AGBL4: variants seen among roughly 807,000 people sequenced by gnomAD.
AGBL4 encodes cytosolic carboxypeptidase 6.
Under a neutral mutation model 66.4 loss-of-function variants are expected in AGBL4, and 58 were observed. The ratio of observed to expected loss-of-function variants is 0.87; its 90% CI spans 0.71 to 1.09. The LOEUF (loss-of-function observed/expected upper bound fraction) is 1.09, where lower values mean the gene tolerates loss of function less well. Ranked by LOEUF, AGBL4 falls within the 50% of genes least tolerant of loss-of-function variation. The pLI is 0.00. For missense variants in AGBL4, 579 were observed against 631.0 expected (o/e 0.92, Z 0.88); for synonymous variants, 234 against 222.9 (o/e 1.05, Z -0.44).
intron 1 of AGBL4, among the ~76,000 whole-genome samples, chr1:49,904,675 T>G (rs1650089930): frequency 6.6e-6 from 1 of 152,238 alleles, no homozygotes; most frequent in Non-Finnish European, 1.5e-5. Flanking sequence ...GTTCTATTTC[T>G]GAAAGTTGCA....
Position 48,736,184 on chromosome 1 carries a change from C to A in AGBL4, c.635-72943G>T. 3 of 1,550,662 alleles carry A rather than the reference C, an allele frequency of 1.9e-6. No individual in the cohort carries two copies. The highest frequency in any genetic ancestry group is 2.7e-6 in the Non-Finnish European group (3 of 1,122,932). The stretch of plus-strand genomic sequence containing the variant: ...TGAATTGAATTGTGCCTAACACATT[C>A]TTGACAGAGTAAAAGACAGAATCCC... On this transcript the variant is annotated intron_variant, in intron 6 of 13. Coordinates refer to ENST00000371839, the MANE Select transcript of AGBL4 (RefSeq NM_032785.4). This position sits in a 1 kb window ranked among gnomAD's most constrained non-coding sequence, Gnocchi z 4.0.
intron 2 of AGBL4, among the ~76,000 whole-genome samples, chr1:49,718,254 T>G (rs1417400494): frequency 1.3e-5 from 2 of 152,040 alleles, no homozygotes; most frequent in Non-Finnish European, 2.9e-5. Context: ...AAGGTCTTAC[T>G]GCTTAAAAGA....
In AGBL4 at chr1:50,016,256, A is replaced by G. The variant is rs200274873; in HGVS notation, c.34+7507T>C. Among the ~76,000 whole-genome samples the G allele has an allele frequency of 3.9e-5, 6 of 152,320 alleles. No homozygotes were observed. The East Asian group carries it at 1.2e-3, about 29-fold the overall frequency. On this transcript the variant is annotated intron_variant, in intron 1 of 13. Transcript: ENST00000371839. The stretch of plus-strand genomic sequence containing the variant: ...AACTAAGGTCTAATATCCAGAATCT[A>G]TAAGGAACTTAAACAAATTAACAGG...
intron 3 of AGBL4, among the ~76,000 whole-genome samples, chr1:49,606,053 A>G (rs901802179): frequency 6.6e-6 from 1 of 152,112 alleles, no homozygotes; most frequent in Non-Finnish European, 1.5e-5. Context: ...AGATTCCACT[A>G]TAAACACTAT....
At chr1:49,817,695 A>G (rs1645265346) in intron 2 of AGBL4, among the ~76,000 whole-genome samples, 1 of 149,638 alleles carries the variant, frequency 6.7e-6, no homozygotes, top group Non-Finnish European at 1.5e-5. Flanking sequence ...GCCAAATTTT[A>G]CTTATAAGAT....
At chr1:49,251,431 A>C (rs1490909210) in intron 3 of AGBL4, among the ~76,000 whole-genome samples, 2 of 151,916 alleles carry the variant, frequency 1.3e-5, no homozygotes, top group Non-Finnish European at 2.9e-5. Context: ...CACCCCTGCC[A>C]GTGCCCCACC....
chr1:48,934,175 C>T (rs1413502124), intron 5 of AGBL4, among the ~76,000 whole-genome samples: 4 of 152,056 alleles, frequency 2.6e-5, no homozygotes, highest in South Asian at 2.1e-4. Flanking sequence ...CAATAATGCA[C>T]GTGTCTAGGG....
intron 4 of AGBL4, among the ~76,000 whole-genome samples, chr1:49,110,919 A>C (rs1331758944): frequency 6.6e-6 from 1 of 152,106 alleles, no homozygotes; most frequent in African/African-American, 2.4e-5. Flanking sequence ...AAACGATGGA[A>C]ATTTCCCAGG....
intron 3 of AGBL4, among the ~76,000 whole-genome samples, chr1:49,453,827 C>A (rs1386515956): frequency 6.6e-6 from 1 of 151,746 alleles, no homozygotes; most frequent in Non-Finnish European, 1.5e-5. Context: ...GAGAAGACAG[C>A]TTTTTCCAAT....
intron 5 of AGBL4, among the ~76,000 whole-genome samples, chr1:49,009,251 T>G (rs1330576006): frequency 1.3e-5 from 2 of 152,008 alleles, no homozygotes; most frequent in African/African-American, 4.8e-5. Flanking sequence ...TACAAACACC[T>G]CTACGCAAAT....
At chr1:50,005,269 T>G (rs1045837423) in intron 1 of AGBL4, among the ~76,000 whole-genome samples, 1 of 152,076 alleles carries the variant, frequency 6.6e-6, no homozygotes, top group African/African-American at 2.4e-5. Flanking sequence ...CACCCCTCCC[T>G]CAGCTCCAGG....
intron 3 of AGBL4, among the ~76,000 whole-genome samples, chr1:49,566,595 A>G (rs898051997): frequency 1.3e-5 from 2 of 152,178 alleles, no homozygotes; most frequent in Non-Finnish European, 2.9e-5. Context: ...TATCAGCAGC[A>G]GTGGCTGCAG....
intron 4 of AGBL4, among the ~76,000 whole-genome samples, chr1:49,217,561 G>A (rs1401674707): frequency 6.6e-6 from 1 of 152,066 alleles, no homozygotes; most frequent in Non-Finnish European, 1.5e-5. Context: ...CACATTATAT[G>A]ATATTCACTT....
chr1:49,871,335 G>T (rs1646834245), intron 1 of AGBL4, among the ~76,000 whole-genome samples: 1 of 151,948 alleles, frequency 6.6e-6, no homozygotes, highest in Non-Finnish European at 1.5e-5. Context: ...TTGGCCCCAT[G>T]ATGTATTTAT....
chr1:48,744,044 T>G, intron 6 of AGBL4, among the ~76,000 whole-genome samples: 1 of 152,204 alleles, frequency 6.6e-6, no homozygotes, highest in East Asian at 1.9e-4. Context: ...TGGTAGAGAT[T>G]TCAGGTCCCA....
chr1:48,848,516 G>A (rs952204742), intron 6 of AGBL4, among the ~76,000 whole-genome samples: 1 of 152,084 alleles, frequency 6.6e-6, no homozygotes, highest in Non-Finnish European at 1.5e-5. Flanking sequence ...CTTTTTATAG[G>A]TACAGGGGAA....
intron 2 of AGBL4, among the ~76,000 whole-genome samples, chr1:49,711,632 C>G (rs1240436892): frequency 6.6e-6 from 1 of 152,036 alleles, no homozygotes; most frequent in Non-Finnish European, 1.5e-5. Context: ...TATTTGCTCT[C>G]TTGATTGTGG....
chr1:48,736,515 T>C lies in AGBL4; in HGVS notation c.635-73274A>G, dbSNP rs1649084478. Reference sequence around the variant, plus strand: ...ACAGGAGGGCAGTGGGAGGCTTCTCTTGTCCTTTAAAAAGCATTGCTGCAC... The same window carrying C: ...ACAGGAGGGCAGTGGGAGGCTTCTCCTGTCCTTTAAAAAGCATTGCTGCAC... On this transcript the variant is annotated intron_variant, in intron 6 of 13. Transcript: ENST00000371839. This position sits in a 1 kb window ranked among gnomAD's most constrained non-coding sequence, Gnocchi z 4.0. 7.1e-7 allele frequency: 1 copy of C among 1,415,178 alleles called. No homozygotes were observed. The highest frequency in any genetic ancestry group is 1.4e-5 in the African/African-American group (1 of 69,932). The allele number at this position is 1,415,178 out of a possible 1,614,324, so 87.7% of individuals were successfully genotyped here.
At chr1:49,135,526 CAT>C (rs1443046447) in intron 4 of AGBL4, among the ~76,000 whole-genome samples, 9 of 152,054 alleles carry the variant, frequency 5.9e-5, no homozygotes, top group Admixed American at 1.3e-4. Context: ...GATTTACCCA[CAT>C]GTTTATTAAC....
Sources: allele counts gnomAD v4.1 joint callset (sites outside exome capture counted in the v4.1 genomes callset), GRCh38; gene constraint gnomAD v4.1.1; non-coding constraint Gnocchi (gnomAD v3.1); transcripts MANE v1.5; gene names NCBI Gene and HGNC (gene_info 2026-07-23, HGNC 2026-07-21).